Variants in ANKRD26 observed in about 807,000 individuals in gnomAD.
The protein encoded by ANKRD26 is ankyrin repeat domain 26, also known as ankyrin repeat domain-containing protein 26.
Under a neutral mutation model 208.7 loss-of-function variants are expected in ANKRD26, and 141 were observed. The ratio of observed to expected loss-of-function variants is 0.68; its 90% CI spans 0.59 to 0.78. The LOEUF (loss-of-function observed/expected upper bound fraction) is 0.78. ANKRD26 is among the 30% of genes least tolerant of loss of function. ANKRD26 has a pLI of 0.00. For missense variants in ANKRD26, 1,889 were observed against 1,938.7 expected (o/e 0.97, Z 0.48); for synonymous variants, 636 against 660.4 (o/e 0.96, Z 0.57).
the ANKRD26 span, among the ~76,000 whole-genome samples, chr10:26,960,001 G>GA: frequency 1.3e-4 from 19 of 151,420 alleles, no homozygotes; most frequent in African/African-American, 4.6e-4. Flanking sequence ...TCTACAAAAT[G>GA]AAAAAAAAGA....
intron 9 of ANKRD26, among the ~76,000 whole-genome samples, chr10:27,076,407 C>T (rs915288944): frequency 6.6e-6 from 1 of 151,934 alleles, no homozygotes; most frequent in Non-Finnish European, 1.5e-5. Flanking sequence ...GGATTACAGG[C>T]ACCCACCACC....
intron 4 of ANKRD26, among the ~76,000 whole-genome samples, chr10:26,982,485 G>A (rs1307535269): frequency 6.6e-6 from 1 of 151,918 alleles, no homozygotes; most frequent in Non-Finnish European, 1.5e-5. Flanking sequence ...CTAGTCTCAG[G>A]ATTTTTCTTT....
At chr10:27,094,303 G>A (rs544166630) in intron 1 of ANKRD26, among the ~76,000 whole-genome samples, 4 of 152,126 alleles carry the variant, frequency 2.6e-5, no homozygotes, top group Admixed American at 6.6e-5. Flanking sequence ...TTAATCCTCC[G>A]CCTTCAAAAC....
At chr10:27,093,891 G>T in intron 1 of ANKRD26, 92 bp from the exon 2 acceptor site, 2 of 1,069,964 alleles carry the variant, frequency 1.9e-6, no homozygotes, top group South Asian at 1.3e-5. Flanking sequence ...ATAGCATGTT[G>T]ATATGGTTTG....
rs1461460936 is a variant in ANKRD26, at chr10:27,086,581, C to T, written c.667G>A (p.Glu223Lys). 1.2e-6 allele frequency: 2 copies of T among 1,604,454 alleles called. No individual in the cohort carries two copies. The highest frequency in any genetic ancestry group is 1.1e-5 in the South Asian group (1 of 90,776). The change falls in exon 5 of 34, where the codon GAA (glutamate) becomes AAA (lysine). Residue 223 changes from glutamate (E) to lysine (K), a missense_variant. Glu to Lys is a moderately conservative substitution (Grantham distance 56). Coordinates refer to ENST00000376087, the MANE Select transcript of ANKRD26 (RefSeq NM_014915.3). ...GAAGAATGTTTAGGTATCCTTTCTT[C>T]TTTATATTCTGAAATTAGTTGGTGA... Reference protein sequence around the residue: ...SSHQLISEYKEERIPKHSSQN... With the variant: ...SSHQLISEYKKERIPKHSSQN...
At chr10:26,979,910 CA>C (rs2052282216) in intron 5 of ANKRD26, among the ~76,000 whole-genome samples, 1 of 142,590 alleles carries the variant, frequency 7.0e-6, no homozygotes, top group African/African-American at 2.6e-5. Context: ...ACTATAAATG[CA>C]TAACTCTGGC....
At chr10:26,977,072 T>C (rs1365840790) in intron 5 of ANKRD26, among the ~76,000 whole-genome samples, 2 of 152,196 alleles carry the variant, frequency 1.3e-5, no homozygotes, top group Admixed American at 6.5e-5. Context: ...CTTCAAGCAA[T>C]AGATTTAGAA....
chr10:27,006,391 T>TA (rs1454601099), intron 33 of ANKRD26, among the ~76,000 whole-genome samples: 2 of 152,326 alleles, frequency 1.3e-5, no homozygotes, highest in South Asian at 4.1e-4. Context: ...TGGGTATTTT[T>TA]ATTCCATGCT....
rs914016056 is a variant in ANKRD26, at chr10:27,007,100, A to C, written c.4954-138T>G. ...AACTTGATTGCTTAAATATAAAAAT[A>C]ATCACATAAATAAAATTCCTACTTG... On this transcript the variant is annotated intron_variant, in intron 32 of 33. Coordinates refer to ENST00000376087, the MANE Select transcript of ANKRD26 (RefSeq NM_014915.3). The C allele has an allele frequency of 7.3e-5, 45 of 618,710 alleles. No individual in the cohort carries two copies. In the Middle Eastern group the frequency reaches 9.2e-4, roughly 13 times the overall value. The allele number at this position is 618,710 out of a possible 1,614,324, so 38.3% of individuals were successfully genotyped here.
chr10:26,993,808 T>C (rs1156501948), intron 5 of ANKRD26, among the ~76,000 whole-genome samples: 1 of 152,150 alleles, frequency 6.6e-6, no homozygotes, highest in Non-Finnish European at 1.5e-5. Context: ...CTGGAGCCAT[T>C]GGAAAGAGGC....
At chr10:27,002,350 T>G (rs2052743327), downstream of ANKRD26, among the ~76,000 whole-genome samples, 2 of 152,198 alleles carry the variant, frequency 1.3e-5, no homozygotes, top group African/African-American at 4.8e-5. Context: ...AGAGAAAGAA[T>G]TCCCAACTGG....
intron 20 of ANKRD26, among the ~76,000 whole-genome samples, chr10:27,041,328 T>C (rs1429632795): frequency 6.6e-6 from 1 of 151,996 alleles, no homozygotes; most frequent in African/African-American, 2.4e-5. Context: ...GCTAGGAAAC[T>C]ATCTGAAACC....
At chr10:26,998,935 G>A (rs772660515) in intron 4 of ANKRD26, among the ~76,000 whole-genome samples, 10 of 152,146 alleles carry the variant, frequency 6.6e-5, no homozygotes, top group Non-Finnish European at 1.2e-4. Context: ...CAAAGAGGTC[G>A]GGATAAAGTA....
At chr10:27,021,159 T>G (rs755104717) in intron 29 of ANKRD26, among the ~76,000 whole-genome samples, 18 of 152,208 alleles carry the variant, frequency 1.2e-4, no homozygotes, top group Admixed American at 7.2e-4. Flanking sequence ...CCTTTATGTA[T>G]CTGTATACAC....
chr10:27,090,629 G>A (rs1330288331), intron 4 of ANKRD26, among the ~76,000 whole-genome samples: 1 of 152,086 alleles, frequency 6.6e-6, no homozygotes, highest in Non-Finnish European at 1.5e-5. Flanking sequence ...TTGTCTCACT[G>A]GGGTATTACA....
At chr10:26,948,469 A>G in the ANKRD26 span, among the ~76,000 whole-genome samples, 1 of 152,218 alleles carries the variant, frequency 6.6e-6, no homozygotes, top group Non-Finnish European at 1.5e-5. Flanking sequence ...TATACACAAC[A>G]TAGAATAATC....
chr10:27,022,698 G>A lies in ANKRD26; in HGVS notation c.4086-11C>T. 1 of 1,576,216 alleles carries A rather than the reference G, an allele frequency of 6.3e-7. No homozygotes were observed. The highest frequency in any genetic ancestry group is 2.3e-5 in the East Asian group (1 of 43,504). ...AAGAGGTTCTTAAATCTGCAGGAAG[G>A]TACAAAATGAGTAACTCAAGTTTTA... is the stretch of plus-strand genomic sequence containing the variant. On this transcript the variant is annotated splice_polypyrimidine_tract_variant and intron_variant, in intron 28 of 33. Transcript: ENST00000376087.
chr10:26,977,377 T>C (rs149879922), intron 5 of ANKRD26, among the ~76,000 whole-genome samples: 14 of 152,336 alleles, frequency 9.2e-5, no homozygotes, highest in African/African-American at 3.4e-4. Flanking sequence ...CTTTCATCTA[T>C]TTGAATCGAA....
At chr10:26,988,663 T>C (rs1326242743), downstream of ANKRD26, among the ~76,000 whole-genome samples, 4 of 152,090 alleles carry the variant, frequency 2.6e-5, no homozygotes, top group South Asian at 8.3e-4. Context: ...AACTGAGAAA[T>C]ACTGGCTGGG....
Sources: gnomAD v4.1 joint callset for allele counts (sites outside exome capture counted in the v4.1 genomes callset) on GRCh38, gnomAD v4.1.1 for gene constraint, MANE v1.5 for transcripts, NCBI Gene and HGNC (gene_info 2026-07-23, HGNC 2026-07-21) for gene names.